DAB1: variants seen among roughly 807,000 people sequenced by gnomAD.
The protein encoded by DAB1 is DAB adaptor protein 1, also known as disabled homolog 1.
DAB1 carries 15 observed loss-of-function variants against 64.6 expected under a neutral mutation model. That is an observed-to-expected ratio of 0.23 (90% CI 0.16 to 0.36). The LOEUF is 0.36. Among genes scored for constraint, DAB1 ranks in the 10% least tolerant of loss-of-function variants. DAB1 has a pLI of 1.00. For missense variants in DAB1, 596 were observed against 706.7 expected, an observed-to-expected ratio of 0.84 and a Z score of 1.78; for synonymous variants, 235 against 251.9, an observed-to-expected ratio of 0.93 and a Z score of 0.64.
intron 4 of DAB1, among the ~76,000 whole-genome samples, chr1:57,122,724 T>C (rs1289845819): frequency 6.6e-6 from 1 of 152,154 alleles, no homozygotes; most frequent in Non-Finnish European, 1.5e-5. Context: ...TTCCCTTTCT[T>C]CAATAAACCT....
rs150091313 is a variant in DAB1 at position 57,813,407 on chromosome 1, C to T, written n.551+70592G>A. 1.7e-4 allele frequency among the ~76,000 whole-genome samples: 26 copies of T among 152,288 alleles called. No individual in the cohort carries two copies. The Middle Eastern group carries it at 0.01, about 60-fold the overall frequency. On this transcript the variant is annotated intron_variant and non_coding_transcript_variant, in intron 6 of 20. Coordinates refer to the DAB1 transcript ENST00000485760. ...TTTCAAATATCTCAAACATCGAGAT[C>T]CTTTTGTGTGGTAAACACTGTGCAT...
intron 4 of DAB1, among the ~76,000 whole-genome samples, chr1:57,086,585 G>A (rs1232490646): frequency 2.0e-5 from 3 of 151,256 alleles, no homozygotes; most frequent in Admixed American, 1.3e-4. Context: ...TCTACAGTCC[G>A]TGACCCACAG....
At chr1:57,530,117 G>A (rs1333737627) in intron 7 of DAB1, among the ~76,000 whole-genome samples, 3 of 152,118 alleles carry the variant, frequency 2.0e-5, no homozygotes, top group African/African-American at 7.2e-5. Flanking sequence ...GTAATAATAG[G>A]AGGACACGTG....
chr1:58,434,982 G>A (rs760318734), intron 3 of DAB1, among the ~76,000 whole-genome samples: 2 of 152,100 alleles, frequency 1.3e-5, no homozygotes. Flanking sequence ...ATTGTTCCCT[G>A]AGCACTCCTA....
intron 6 of DAB1, among the ~76,000 whole-genome samples, chr1:57,758,975 G>A (rs996620447): frequency 7.2e-5 from 11 of 152,166 alleles, no homozygotes; most frequent in African/African-American, 2.4e-4. Flanking sequence ...CTCTTTGGAA[G>A]AAGATCACCT....
At chr1:57,442,633 T>C (rs1004434275) in intron 7 of DAB1, among the ~76,000 whole-genome samples, 2 of 152,246 alleles carry the variant, frequency 1.3e-5, no homozygotes, top group African/African-American at 4.8e-5. Flanking sequence ...AGGTTATTCC[T>C]ATGAAAATGT....
chr1:57,966,731 T>G (rs560574430), intron 5 of DAB1, among the ~76,000 whole-genome samples: 28 of 152,240 alleles, frequency 1.8e-4, no homozygotes, highest in Non-Finnish European at 4.0e-4. Flanking sequence ...TTTTCGTGTA[T>G]GTACACATTT....
chr1:57,327,160 T>A (rs980774079), intron 1 of DAB1, among the ~76,000 whole-genome samples: 2 of 152,014 alleles, frequency 1.3e-5, no homozygotes, highest in Non-Finnish European at 2.9e-5. Flanking sequence ...AGGCTGGTCT[T>A]GTACTCCTGG....
At chr1:57,029,245 C>T (rs1251163333) in intron 9 of DAB1, among the ~76,000 whole-genome samples, 1 of 152,182 alleles carries the variant, frequency 6.6e-6, no homozygotes, top group Non-Finnish European at 1.5e-5. Flanking sequence ...TGGCAACTTC[C>T]ATGTGGTATT....
At chr1:58,415,399 A>G (rs1351427042) in intron 3 of DAB1, 2 of 244,000 alleles carry the variant, frequency 8.2e-6, no homozygotes, top group African/African-American at 4.6e-5. Flanking sequence ...GGTTTTAATA[A>G]AAGGAAAGAA....
At chr1:57,225,671 TACAG>T (rs1471211586) in intron 2 of DAB1, among the ~76,000 whole-genome samples, 1 of 152,178 alleles carries the variant, frequency 6.6e-6, no homozygotes, top group South Asian at 2.1e-4. Flanking sequence ...TGTATTACTG[TACAG>T]ACAGAGTGAT....
At chr1:58,516,726 G>A (rs1646163271) in intron 2 of DAB1, among the ~76,000 whole-genome samples, 1 of 152,084 alleles carries the variant, frequency 6.6e-6, no homozygotes, top group Non-Finnish European at 1.5e-5. Flanking sequence ...TAAATCCAAT[G>A]GGACTGCATA....
chr1:57,951,357 C>G (rs1645276445), intron 5 of DAB1, among the ~76,000 whole-genome samples: 1 of 83,364 alleles, frequency 1.2e-5, no homozygotes, highest in Non-Finnish European at 2.9e-5. Context: ...TAAATTAGCC[C>G]AATGGATAAT....
At chr1:57,769,864 T>C (rs1004645198) in intron 6 of DAB1, among the ~76,000 whole-genome samples, 5 of 152,098 alleles carry the variant, frequency 3.3e-5, no homozygotes, top group African/African-American at 1.2e-4. Flanking sequence ...CACAGCACAG[T>C]CCCTTCTCCT....
chr1:57,776,728 T>C (rs921668435), intron 6 of DAB1, among the ~76,000 whole-genome samples: 1 of 151,868 alleles, frequency 6.6e-6, no homozygotes, highest in African/African-American at 2.4e-5. Context: ...ATTACAAACA[T>C]ATATTTCCAT....
chr1:57,421,127 C>T (rs1005815921), intron 1 of DAB1, among the ~76,000 whole-genome samples: 2 of 152,154 alleles, frequency 1.3e-5, no homozygotes, highest in Admixed American at 1.3e-4. Flanking sequence ...AAGCCAAACA[C>T]TCACCCATTT....
intron 2 of DAB1, among the ~76,000 whole-genome samples, chr1:57,252,141 T>C (rs1278823700): frequency 6.6e-6 from 1 of 152,254 alleles, no homozygotes; most frequent in Non-Finnish European, 1.5e-5. Flanking sequence ...ATTCCATTTA[T>C]GTCCAATGTA....
intron 4 of DAB1, among the ~76,000 whole-genome samples, chr1:57,105,551 C>T (rs886953150): frequency 6.6e-6 from 1 of 152,122 alleles, no homozygotes; most frequent in Non-Finnish European, 1.5e-5. Context: ...AAAGTTCTAC[C>T]GTGAGCCATT....
intron 7 of DAB1, among the ~76,000 whole-genome samples, chr1:57,474,355 C>T (rs1288107257): frequency 2.0e-5 from 3 of 152,148 alleles, no homozygotes; most frequent in Non-Finnish European, 4.4e-5. Context: ...CTTACAGCCA[C>T]GAAAACAAGT....
Sources: allele counts gnomAD v4.1 joint callset (sites outside exome capture counted in the v4.1 genomes callset), GRCh38; gene constraint gnomAD v4.1.1; transcripts MANE v1.5; gene names NCBI Gene and HGNC (gene_info 2026-07-23, HGNC 2026-07-21).